Variants in ADGRL2 observed in about 807,000 individuals in gnomAD.
ADGRL2 encodes the protein calcium-independent alpha-latrotoxin receptor 2.
Under a neutral mutation model 157.4 loss-of-function variants are expected in ADGRL2, and 44 were observed. That is an observed-to-expected ratio of 0.28 (90% CI 0.22 to 0.36). The LOEUF (loss-of-function observed/expected upper bound fraction) is 0.36. Among genes scored for constraint, ADGRL2 ranks in the 10% least tolerant of loss-of-function variants. ADGRL2 has a pLI of 1.00. For synonymous variants in ADGRL2, 585 were observed against 624.7 expected (o/e 0.94, Z 0.95); for missense variants, 1,510 against 1,768.9 (o/e 0.85, Z 2.63).
chr1:81,620,197 T>C (rs2081759282), intron 3 of ADGRL2, among the ~76,000 whole-genome samples: 1 of 152,192 alleles, frequency 6.6e-6, no homozygotes, highest in Non-Finnish European at 1.5e-5. Context: ...CAAGATATAG[T>C]TGTAGGCAAT....
intron 1 of ADGRL2, among the ~76,000 whole-genome samples, chr1:81,822,972 A>G (rs2091131753): frequency 6.6e-6 from 1 of 151,808 alleles, no homozygotes; most frequent in Admixed American, 6.6e-5. Context: ...ATGTCAAACA[A>G]TGATAAATTA....
In ADGRL2 at chr1:81,826,985, A is replaced by G. The variant is rs143615543; in HGVS notation, c.-100-9900A>G. Among the ~76,000 whole-genome samples the G allele has an allele frequency of 1.6e-3, 249 of 152,274 alleles. 1 individual carries two copies. Among genetic ancestry groups the G allele is most frequent in the African/African-American group, 5.7e-3 (237 of 41,578 alleles). On this transcript the variant is annotated intron_variant, in intron 1 of 23. Coordinates refer to ENST00000686636, the MANE Select transcript of ADGRL2 (RefSeq NM_001366006.2). ...ATGTTACTTTTACGAATGATATGTT[A>G]TAGTTTGACTTAAATTTTAAGGAAC...
At chr1:81,605,798 G>T (rs1378919546) in intron 3 of ADGRL2, among the ~76,000 whole-genome samples, 1 of 152,118 alleles carries the variant, frequency 6.6e-6, no homozygotes, top group Non-Finnish European at 1.5e-5. Flanking sequence ...ATTAGATTTT[G>T]CAGTCTTGAA....
intron 2 of ADGRL2, among the ~76,000 whole-genome samples, chr1:81,789,841 A>T (rs2149412391): frequency 6.6e-6 from 1 of 152,320 alleles, no homozygotes; most frequent in African/African-American, 2.4e-5. Flanking sequence ...TATTAATAAA[A>T]AAATTTCTGG....
At chr1:81,315,770 T>C (rs547143531) in intron 1 of ADGRL2, among the ~76,000 whole-genome samples, 414 of 22,768 alleles carry the variant, frequency 0.018, 3 homozygotes, top group African/African-American at 0.088. Flanking sequence ...CGGCAATTAG[T>C]TTTTTTTTTT....
chr1:81,928,224 C>A (rs1401603870), intron 3 of ADGRL2, among the ~76,000 whole-genome samples: 2 of 152,104 alleles, frequency 1.3e-5, no homozygotes, highest in Non-Finnish European at 2.9e-5. Flanking sequence ...TAGCTAAATA[C>A]TTATCCCGCC....
At chr1:81,578,765 T>G (rs1241560331) in intron 2 of ADGRL2, among the ~76,000 whole-genome samples, 2 of 152,164 alleles carry the variant, frequency 1.3e-5, no homozygotes, top group Admixed American at 6.6e-5. Flanking sequence ...CCTGAGTCTA[T>G]AAACAGGCAA....
intron 2 of ADGRL2, chr1:81,502,666 C>T: frequency 6.2e-7 from 1 of 1,613,690 alleles, no homozygotes; most frequent in Non-Finnish European, 8.5e-7. Flanking sequence ...GCTCAGGACG[C>T]AGTACATGAA....
At chr1:81,723,745 G>C (rs2084416471) in intron 1 of ADGRL2, among the ~76,000 whole-genome samples, 1 of 152,166 alleles carries the variant, frequency 6.6e-6, no homozygotes, top group South Asian at 2.1e-4. Context: ...TACTTGGCAG[G>C]GCAGTGGCAA....
At chr1:81,577,395 G>C (rs2080819182) in intron 2 of ADGRL2, among the ~76,000 whole-genome samples, 1 of 152,060 alleles carries the variant, frequency 6.6e-6, no homozygotes, top group South Asian at 2.1e-4. Flanking sequence ...TTCCCACAAA[G>C]GTCTTCTCTG....
chr1:81,864,806 C>CAAACA (rs997867691), intron 2 of ADGRL2, among the ~76,000 whole-genome samples: 2 of 152,080 alleles, frequency 1.3e-5, no homozygotes, highest in East Asian at 1.9e-4. Flanking sequence ...TACTAAAAAA[C>CAAACA]AAACAAAACA....
At chr1:81,445,174 A>G (rs1253697024) in intron 2 of ADGRL2, 1 of 152,184 alleles carries the variant, frequency 6.6e-6, no homozygotes, top group African/African-American at 2.4e-5. Context: ...TGCTTTATCT[A>G]TTGGTGGTTT....
chr1:81,881,464 C>T (rs1270510110), intron 2 of ADGRL2, among the ~76,000 whole-genome samples: 4 of 152,192 alleles, frequency 2.6e-5, no homozygotes, highest in Non-Finnish European at 5.9e-5. Context: ...GCGTGAGCCA[C>T]CAAGCCTGGT....
intron 2 of ADGRL2, among the ~76,000 whole-genome samples, chr1:81,556,560 C>T (rs977644437): frequency 4.0e-5 from 6 of 151,850 alleles, no homozygotes; most frequent in Admixed American, 1.3e-4. Flanking sequence ...ACAAGCAAAA[C>T]CACCATTAAA....
At chr1:81,359,199 TA>T (rs1461743002) in intron 1 of ADGRL2, among the ~76,000 whole-genome samples, 2 of 152,032 alleles carry the variant, frequency 1.3e-5, no homozygotes, top group African/African-American at 4.8e-5. Context: ...GTAAGAACAA[TA>T]AATGAGCAGG....
intron 3 of ADGRL2, among the ~76,000 whole-genome samples, chr1:81,645,338 G>A (rs2082292397): frequency 7.2e-6 from 1 of 139,470 alleles, no homozygotes; most frequent in South Asian, 2.3e-4. Context: ...GTTACAGAGA[G>A]TTATGATGGC....
At chr1:81,489,799 G>T (rs193208197) in intron 2 of ADGRL2, among the ~76,000 whole-genome samples, 11 of 152,216 alleles carry the variant, frequency 7.2e-5, no homozygotes, top group African/African-American at 2.6e-4. Context: ...CAACAGCAGT[G>T]GGCCAATATA....
intron 2 of ADGRL2, among the ~76,000 whole-genome samples, chr1:81,465,969 T>G (rs1173458658): frequency 2.0e-5 from 3 of 152,050 alleles, no homozygotes; most frequent in African/African-American, 7.2e-5. Context: ...TTCAAAAAAG[T>G]GAGGAAAGAC....
At chr1:81,807,872 AT>A (rs1378740496) in intron 1 of ADGRL2, among the ~76,000 whole-genome samples, 2 of 151,868 alleles carry the variant, frequency 1.3e-5, no homozygotes, top group Non-Finnish European at 2.9e-5. Context: ...CTGAGATCAT[AT>A]ATCTGCTGCA....
Sources: allele counts gnomAD v4.1 joint callset (sites outside exome capture counted in the v4.1 genomes callset), GRCh38; gene constraint gnomAD v4.1.1; transcripts MANE v1.5; gene names NCBI Gene and HGNC (gene_info 2026-07-23, HGNC 2026-07-21).